CCDC150: variants seen among roughly 807,000 people sequenced by gnomAD.
CCDC150 encodes coiled-coil domain-containing protein 150.
Under a neutral mutation model 156.5 loss-of-function variants are expected in CCDC150, and 151 were observed. The observed-to-expected ratio is 0.97, with a 90% CI of 0.85 to 1.10. The LOEUF (loss-of-function observed/expected upper bound fraction) is 1.10. Among genes scored for constraint, CCDC150 ranks in the 50% least tolerant of loss-of-function variants. The pLI, the probability that CCDC150 is intolerant of heterozygous loss-of-function variation, is 0.00. For missense variants in CCDC150, 1,312 were observed against 1,268.1 expected (o/e 1.03, Z -0.53); for synonymous variants, 452 against 429.4 (o/e 1.05, Z -0.65).
intron 1 of CCDC150, among the ~76,000 whole-genome samples, chr2:196,642,853 C>T (rs377313354): frequency 6.6e-6 from 1 of 152,170 alleles, no homozygotes; most frequent in Non-Finnish European, 1.5e-5. Flanking sequence ...GATCCTCCTG[C>T]GTCAGCCTCC....
intron 1 of CCDC150, among the ~76,000 whole-genome samples, chr2:196,640,247 G>C (rs1438918750): frequency 6.6e-6 from 1 of 152,170 alleles, no homozygotes; most frequent in Non-Finnish European, 1.5e-5. Flanking sequence ...TCCTGTCGAA[G>C]TATTCTCCTG....
In CCDC150 at chr2:196,646,360, T is replaced by C; in HGVS notation, c.32T>C (p.Val11Ala). Residue 11 changes from valine (V) to alanine (A), a missense_variant, in exon 2 of 28, where the codon GTG (valine) becomes GCG (alanine). By Grantham distance (64) the Val-to-Ala change is moderately conservative. Coordinates refer to ENST00000389175, the MANE Select transcript of CCDC150 (RefSeq NM_001080539.2). The part of the protein sequence containing the change: MDCKVHMETT[V>A]SRPVLSPTHI... Reference sequence around the variant, plus strand: ...TCTTAGGTACATATGGAAACTACAGTGTCCAGACCGGTCCTTTCTCCAACC... The same window carrying C: ...TCTTAGGTACATATGGAAACTACAGCGTCCAGACCGGTCCTTTCTCCAACC... The C allele has an allele frequency of 6.2e-7, 1 of 1,613,786 alleles. No homozygotes were observed. The highest frequency in any genetic ancestry group is 1.1e-5 in the South Asian group (1 of 91,052).
At chr2:196,642,135 T>C (rs554549585) in intron 1 of CCDC150, among the ~76,000 whole-genome samples, 1 of 152,340 alleles carries the variant, frequency 6.6e-6, no homozygotes, top group South Asian at 2.1e-4. Context: ...TCAGTATTTT[T>C]ATTATTGTTA....
chr2:196,684,210 A>C (rs1312837807), intron 13 of CCDC150, among the ~76,000 whole-genome samples: 2 of 152,144 alleles, frequency 1.3e-5, no homozygotes, highest in Admixed American at 1.3e-4. Flanking sequence ...CCCTCTCTGC[A>C]CTGCTTTAGC....
intron 1 of CCDC150, among the ~76,000 whole-genome samples, chr2:196,644,000 G>T (rs1200920309): frequency 6.6e-6 from 1 of 152,136 alleles, no homozygotes; most frequent in Non-Finnish European, 1.5e-5. Flanking sequence ...GTGATCCTTG[G>T]CTCTTCGTTT....
chr2:196,705,215 G>A (rs1421962330), intron 15 of CCDC150, among the ~76,000 whole-genome samples: 1 of 152,168 alleles, frequency 6.6e-6, no homozygotes, highest in African/African-American at 2.4e-5. Context: ...TCCAGCATCT[G>A]CTGTTTCCTG....
chr2:196,666,475 T>C (rs7589723), intron 6 of CCDC150, among the ~76,000 whole-genome samples: 136,335 of 152,196 alleles, frequency 0.9, 61,075 homozygotes, highest in African/African-American at 0.92. Flanking sequence ...ACACTAGCCA[T>C]ATTCAAGTGC....
intron 13 of CCDC150, 44 bp from the exon 14 acceptor site, chr2:196,695,002 C>A: frequency 1.0e-6 from 1 of 965,056 alleles, no homozygotes; most frequent in Non-Finnish European, 1.6e-6. Flanking sequence ...ATACTTTTTG[C>A]ATCTGGCGTA....
At chr2:196,685,527 A>T (rs1206307341) in intron 13 of CCDC150, among the ~76,000 whole-genome samples, 1 of 151,946 alleles carries the variant, frequency 6.6e-6, no homozygotes, top group East Asian at 1.9e-4. Context: ...ATTTTTATTT[A>T]TCTGGGAATG....
Position 196,640,335 on chromosome 2 carries a change from T to C in CCDC150, c.12+557T>C, listed in dbSNP as rs1316744554. Among the ~76,000 whole-genome samples the C allele has an allele frequency of 2.6e-5, 4 of 152,200 alleles. No individual in the cohort carries two copies. The East Asian group carries it at 7.7e-4, about 29-fold the overall frequency. On this transcript the variant is annotated intron_variant, in intron 1 of 27. Transcript: ENST00000389175. ...AAAATGTCTATTTTTAACCCCACTT[T>C]AGAGAAGTTCGTATTAGTCCGTCTT...
intron 5 of CCDC150, among the ~76,000 whole-genome samples, chr2:196,663,196 C>T (rs1449076255): frequency 6.6e-6 from 1 of 152,132 alleles, no homozygotes; most frequent in Non-Finnish European, 1.5e-5. Context: ...GCCATGGTTG[C>T]ACCATTGCAC....
In CCDC150 at chr2:196,665,593, G is replaced by T. The variant is rs1393128059; in HGVS notation, c.672G>T (p.Lys224Asn). The change falls in exon 6 of 28, where the codon AAG (lysine) becomes AAT (asparagine). Residue 224 changes from lysine to asparagine, a missense_variant. By Grantham distance (94) the Lys-to-Asn change is moderately conservative (BLOSUM62 0). Transcript: ENST00000389175. ...QELRRQLAQE[K>N]YLRESLEKSA... Reference sequence around the variant, plus strand: ...TAAGGAGACAACTGGCTCAGGAGAAGTACCTTAGGGAATCTTTAGAGAAAT... The same window carrying T: ...TAAGGAGACAACTGGCTCAGGAGAATTACCTTAGGGAATCTTTAGAGAAAT... 1 of 1,603,762 alleles carries T rather than the reference G, an allele frequency of 6.2e-7. No individual in the cohort carries two copies. Among genetic ancestry groups the T allele is most frequent in the Non-Finnish European group, 8.5e-7 (1 of 1,175,244 alleles).
intron 15 of CCDC150, among the ~76,000 whole-genome samples, chr2:196,708,832 GC>G (rs1326835786): frequency 1.3e-5 from 2 of 152,136 alleles, no homozygotes; most frequent in Non-Finnish European, 2.9e-5. Context: ...TTGAATATTG[GC>G]CCCCACTCTC....
intron 7 of CCDC150, among the ~76,000 whole-genome samples, chr2:196,668,169 G>A (rs149668233): frequency 6.9e-4 from 105 of 152,044 alleles, no homozygotes; most frequent in African/African-American, 2.1e-3. Context: ...GTGGTGGCAC[G>A]CGCCTGTAGT....
chr2:196,712,446 C>T (rs532736865), intron 16 of CCDC150, 194 bp downstream of exon 16: 443 of 567,414 alleles, frequency 7.8e-4, no homozygotes, highest in Non-Finnish European at 1.2e-3. Context: ...TGTAAAGATA[C>T]CTGAAGCAGG....
At chr2:196,662,639 A>G (rs908627176) in intron 5 of CCDC150, among the ~76,000 whole-genome samples, 1 of 152,162 alleles carries the variant, frequency 6.6e-6, no homozygotes, top group Non-Finnish European at 1.5e-5. Context: ...GAGTAGTACC[A>G]GTCTGTGGCC....
At chr2:196,673,450 CT>C (rs756879068) in intron 9 of CCDC150, among the ~76,000 whole-genome samples, 6 of 152,162 alleles carry the variant, frequency 3.9e-5, no homozygotes, top group Non-Finnish European at 8.8e-5. Context: ...TCTGGTGTGA[CT>C]TTAAGCCCCT....
rs1697662607 is a variant in CCDC150 at position 196,718,302 on chromosome 2, G to A, written c.1867-201G>A. On this transcript the variant is annotated intron_variant, in intron 17 of 27. Transcript: ENST00000389175. ...TTCTTGTGTTTTCATGGAGATTAAT[G>A]TATTGGATTTGTCTATGTTTATTCA... 7 of 336,448 alleles carry A rather than the reference G, an allele frequency of 2.1e-5. No homozygotes were observed. In the East Asian group the frequency reaches 2.9e-4, roughly 14 times the overall value. The allele number at this position is 336,448 out of a possible 1,614,324, so 20.8% of individuals were successfully genotyped here.
intron 9 of CCDC150, among the ~76,000 whole-genome samples, chr2:196,672,669 A>G (rs764089224): frequency 1.1e-4 from 17 of 152,182 alleles, no homozygotes; most frequent in Non-Finnish European, 1.9e-4. Context: ...CACTATAATT[A>G]TGCACTAGTT....
Sources: gnomAD v4.1 joint callset for allele counts (sites outside exome capture counted in the v4.1 genomes callset) on GRCh38, gnomAD v4.1.1 for gene constraint, MANE v1.5 for transcripts, NCBI Gene and HGNC (gene_info 2026-07-23, HGNC 2026-07-21) for gene names.